The following VWA8 variants were observed in gnomAD, a reference collection of about 807,000 sequenced individuals.
The protein encoded by VWA8 is von Willebrand factor A domain containing 8, also known as von Willebrand factor A domain-containing protein 8.
VWA8 carries 221 observed loss-of-function variants against 241.5 expected under a neutral mutation model. The ratio of observed to expected loss-of-function variants is 0.91; its 90% confidence interval spans 0.82 to 1.02. The LOEUF (loss-of-function observed/expected upper bound fraction) is 1.02, where lower values mean the gene tolerates loss of function less well. Ranked by LOEUF, VWA8 falls within the 50% of genes least tolerant of loss-of-function variation. VWA8 has a pLI of 0.00. For synonymous variants in VWA8, 852 were observed against 827.1 expected (o/e 1.03, Z -0.52); for missense variants, 2,322 against 2,328.7 (o/e 1.00, Z 0.06).
chr13:41,838,587 A>G (rs568985524), intron 12 of VWA8, among the ~76,000 whole-genome samples: 6 of 152,178 alleles, frequency 3.9e-5, no homozygotes, highest in Admixed American at 6.5e-5. Context: ...AGTTGCAAAA[A>G]TATGCTTAAT....
intron 12 of VWA8, among the ~76,000 whole-genome samples, chr13:41,850,656 G>A (rs994389933): frequency 1.3e-5 from 2 of 152,120 alleles, no homozygotes; most frequent in Non-Finnish European, 2.9e-5. Context: ...CCAAATGAAA[G>A]ACCCCACCAG....
intron 27 of VWA8, among the ~76,000 whole-genome samples, chr13:41,703,037 TATCAGCACAAGACA>T (rs1358985273): frequency 6.6e-6 from 1 of 152,176 alleles, no homozygotes; most frequent in African/African-American, 2.4e-5. Context: ...GTTTTAATCC[TATCAGCACAAGACA>T]AATACCACAG....
chr13:41,924,809 C>T (rs562632660), intron 2 of VWA8, among the ~76,000 whole-genome samples: 6 of 151,524 alleles, frequency 4.0e-5, no homozygotes, highest in East Asian at 1.9e-4. Flanking sequence ...ATGTGCACAA[C>T]GTGCAAGTCA....
intron 42 of VWA8, among the ~76,000 whole-genome samples, chr13:41,578,734 A>AT (rs1486185203): frequency 2.0e-5 from 3 of 152,024 alleles, no homozygotes; most frequent in Admixed American, 6.5e-5. Flanking sequence ...TTAGATCAGA[A>AT]TTTTTTCTGA....
At chr13:41,827,713 G>C (rs573912500) in intron 14 of VWA8, among the ~76,000 whole-genome samples, 2 of 152,308 alleles carry the variant, frequency 1.3e-5, no homozygotes, top group African/African-American at 4.8e-5. Flanking sequence ...TTGTATTTAT[G>C]AGAGTGACAT....
intron 37 of VWA8, among the ~76,000 whole-genome samples, chr13:41,655,579 G>C (rs1361498785): frequency 6.6e-6 from 1 of 151,946 alleles, no homozygotes; most frequent in East Asian, 1.9e-4. Context: ...TTATATCTGG[G>C]GACAGAAATT....
intron 17 of VWA8, among the ~76,000 whole-genome samples, chr13:41,806,166 C>T (rs543026402): frequency 6.6e-6 from 1 of 151,890 alleles, no homozygotes; most frequent in African/African-American, 2.4e-5. Context: ...AAGAAGAAAA[C>T]TGAAAAATTT....
chr13:41,613,372 T>C lies in VWA8; in HGVS notation c.4720+1604A>G, dbSNP rs1172850205. ...CCATTTCTTACTCATGGCCAGCCAA[T>C]AGGCAGAGGGGTACAGTAACTGGAC... On this transcript the variant is annotated intron_variant, in intron 38 of 44. Coordinates refer to ENST00000379310, the MANE Select transcript of VWA8 (RefSeq NM_015058.2). Among the ~76,000 whole-genome samples, 3 of 152,198 alleles carry C rather than the reference T, an allele frequency of 2.0e-5. No homozygotes were observed. The East Asian group carries it at 5.8e-4, about 29-fold the overall frequency.
chr13:41,908,401 G>A (rs1197168117), intron 3 of VWA8, among the ~76,000 whole-genome samples: 2 of 151,380 alleles, frequency 1.3e-5, no homozygotes, highest in African/African-American at 4.9e-5. Context: ...AGGAGGTGGA[G>A]GTTGAGGTTG....
Position 41,770,904 on chromosome 13 carries a change from A to C in VWA8, c.2349+7081T>G, listed in dbSNP as rs1391982660. On this transcript the variant is annotated intron_variant, in intron 20 of 44. Coordinates refer to ENST00000379310, the MANE Select transcript of VWA8 (RefSeq NM_015058.2). ...ATAAAAAGCTGGCTTAAAATGACAA[A>C]AAAAAAAAAAAAAAAAAAGCTGACA... Among the ~76,000 whole-genome samples the C allele has an allele frequency of 5.2e-4, 14 of 26,784 alleles. No individual in the cohort carries two copies. The Admixed American group carries it at 0.01, about 20-fold the overall frequency. 17.6% of individuals were successfully genotyped at this position (26,784 alleles called of 152,430 possible). A position where few individuals can be genotyped will look rare whatever the true frequency, so the allele number is the denominator to read the frequency against.
At position 41,626,275 on chromosome 13, in the gene VWA8, A is replaced by G. The variant is rs150249211; in HGVS notation, c.4612-11191T>C. ...AACACTCATAAATCAGAGATGACAC[A>G]AACAAATGGAAAAACATTCCATGCT... On this transcript the variant is annotated intron_variant, in intron 37 of 44. Coordinates refer to ENST00000379310, the MANE Select transcript of VWA8 (RefSeq NM_015058.2). 4.8e-3 allele frequency among the ~76,000 whole-genome samples: 734 copies of G among 152,274 alleles called. 5 individuals are homozygous for G. The highest frequency in any genetic ancestry group is 0.017 in the African/African-American group (699 of 41,544).
chr13:41,840,776 A>G (rs972542342), intron 12 of VWA8, among the ~76,000 whole-genome samples: 3 of 151,978 alleles, frequency 2.0e-5, no homozygotes, highest in Admixed American at 1.3e-4. Flanking sequence ...AAAAAGGTAC[A>G]TAAGTCATGA....
chr13:41,891,624 T>C (rs772757154), intron 4 of VWA8, 37 bp from the exon 5 acceptor site: 1 of 1,609,784 alleles, frequency 6.2e-7, no homozygotes, highest in African/African-American at 1.3e-5. Context: ...ATGAGAATAC[T>C]GAAGTTGCAG....
In VWA8 at chr13:41,721,525, G is replaced by A. The variant is rs771677754; in HGVS notation, c.2809C>T (p.Leu937Phe). The A allele has an allele frequency of 2.5e-6, 4 of 1,613,668 alleles. No homozygotes were observed. Among genetic ancestry groups the A allele is most frequent in the Admixed American group, 1.7e-5 (1 of 59,948 alleles). Residue 937 changes from leucine to phenylalanine, a missense_variant, in exon 25 of 45, where the codon CTC (leucine) becomes TTC (phenylalanine). By Grantham distance (22) the Leu-to-Phe change is conservative. Transcript: ENST00000379310. ...GGTCCATACTGTCTGAGCATCTCGA[G>A]CTCCGAGTGGGGTTTGGGGTTATCA... is the stretch of plus-strand genomic sequence containing the variant. The part of the protein sequence containing the change: ...AVDNPKPHSE[L>F]EMLRQYGPNV...
chr13:41,864,321 C>T (rs573484912), intron 12 of VWA8, among the ~76,000 whole-genome samples: 1 of 152,146 alleles, frequency 6.6e-6, no homozygotes, highest in African/African-American at 2.4e-5. Context: ...TAGGTATATA[C>T]CTTAAAAACT....
chr13:41,856,333 TCAAAACAAAACAAAA>T (rs753676900), intron 12 of VWA8, among the ~76,000 whole-genome samples: 1 of 151,860 alleles, frequency 6.6e-6, no homozygotes, highest in Non-Finnish European at 1.5e-5. Flanking sequence ...GAGACTTTGA[TCAAAACAAAACAAAA>T]CAAAACAAAA....
At chr13:41,586,193 C>T (rs912320663) in intron 42 of VWA8, among the ~76,000 whole-genome samples, 4 of 151,724 alleles carry the variant, frequency 2.6e-5, no homozygotes, top group Non-Finnish European at 5.9e-5. Flanking sequence ...AAACTTATAC[C>T]TGAAGGGAGC....
intron 17 of VWA8, among the ~76,000 whole-genome samples, chr13:41,800,363 G>C (rs558034252): frequency 1.6e-4 from 24 of 152,144 alleles, no homozygotes; most frequent in Non-Finnish European, 2.8e-4. Context: ...GTTTGGATAA[G>C]AGTTAACAAT....
chr13:41,885,231 C>T (rs945812585), intron 8 of VWA8, among the ~76,000 whole-genome samples: 5 of 152,202 alleles, frequency 3.3e-5, no homozygotes, highest in Admixed American at 1.3e-4. Flanking sequence ...AGGGATACAA[C>T]TTATTCTCAT....
Sources: gnomAD v4.1 joint callset for allele counts (sites outside exome capture counted in the v4.1 genomes callset) on GRCh38, gnomAD v4.1.1 for gene constraint, MANE v1.5 for transcripts, NCBI Gene and HGNC (gene_info 2026-07-23, HGNC 2026-07-21) for gene names.